Variants in EP300 observed in about 807,000 individuals in gnomAD.
EP300 encodes the protein histone acetyltransferase p300.
EP300 carries 31 observed loss-of-function variants against 264.0 expected under a neutral mutation model. That is an observed-to-expected ratio of 0.12 (90% CI 0.09 to 0.16). The LOEUF is 0.16. Among genes scored for constraint, EP300 ranks in the 10% least tolerant of loss-of-function variants. The pLI, the probability that EP300 is intolerant of heterozygous loss-of-function variation, is 1.00. For synonymous variants in EP300, 1,340 were observed against 1,045.4 expected, an observed-to-expected ratio of 1.28 and a Z score of -5.44; for missense variants, 2,766 against 3,052.9, an observed-to-expected ratio of 0.91 and a Z score of 2.21.
intron 25 of EP300, 104 bp downstream of exon 25, chr22:41,168,971 T>A: frequency 6.5e-7 from 1 of 1,528,254 alleles, no homozygotes; most frequent in Non-Finnish European, 9.0e-7. Flanking sequence ...GTGTTTGGTT[T>A]GGAAATGCAA....
At chr22:41,101,269 T>C (rs756118185) in intron 1 of EP300, among the ~76,000 whole-genome samples, 8 of 151,796 alleles carry the variant, frequency 5.3e-5, no homozygotes, top group Non-Finnish European at 1.0e-4. Flanking sequence ...GAGATAGGGT[T>C]TCACCGTGTT....
chr22:41,178,981 CA>C lies in EP300; in HGVS notation c.*32del, dbSNP rs1183406155. On this transcript the variant is annotated 3_prime_UTR_variant, in exon 31 of 31. Coordinates refer to ENST00000263253, the MANE Select transcript of EP300 (RefSeq NM_001429.4). ...GAGACACCTTGTAGTATTTTGGGAG[CA>C]AAAAAATTATTTTCTCTTAACAAGA... 5.0e-6 allele frequency: 8 copies of C among 1,609,024 alleles called. No individual in the cohort carries two copies. In the African/African-American group the frequency reaches 6.7e-5, roughly 13 times the overall value.
intron 2 of EP300, among the ~76,000 whole-genome samples, chr22:41,125,287 T>A (rs534937905): frequency 6.6e-6 from 1 of 151,576 alleles, no homozygotes; most frequent in African/African-American, 2.4e-5. Context: ...CCCGGCTAAT[T>A]TTTTGTATTT....
chr22:41,170,325 A>G (rs921381867), intron 26 of EP300, 81 bp from the exon 27 acceptor site: 1 of 1,369,932 alleles, frequency 7.3e-7, no homozygotes, highest in African/African-American at 1.4e-5. Context: ...ATCTATATCA[A>G]CTCCAACTTG....
intron 8 of EP300, among the ~76,000 whole-genome samples, chr22:41,138,628 G>A (rs187685866): frequency 7.9e-5 from 12 of 152,236 alleles, no homozygotes; most frequent in Non-Finnish European, 1.2e-4. Context: ...GATGAAGGAG[G>A]GGGAGGCATA....
In EP300 at chr22:41,167,193, T is replaced by G. The variant is rs150826248; in HGVS notation, c.3874+527T>G. Among the ~76,000 whole-genome samples, 741 of 152,276 alleles carry G rather than the reference T, an allele frequency of 4.9e-3. 4 individuals carry two copies. Among genetic ancestry groups the G allele is most frequent in the Middle Eastern group, 0.01 (3 of 294 alleles). ...TTGTAATTTATTAGAGATGGCGTTT[T>G]GCCATGTTGGCCAGGCTGATCTCAA... is the stretch of plus-strand genomic sequence containing the variant. On this transcript the variant is annotated intron_variant, in intron 23 of 30. Coordinates refer to ENST00000263253, the MANE Select transcript of EP300 (RefSeq NM_001429.4).
intron 5 of EP300, among the ~76,000 whole-genome samples, chr22:41,130,806 G>T (rs1321023554): frequency 6.6e-6 from 1 of 151,078 alleles, no homozygotes; most frequent in Non-Finnish European, 1.5e-5. Flanking sequence ...ATATAGAAGA[G>T]CTTTTTTTTT....
At chr22:41,106,972 T>A (rs993483093) in intron 1 of EP300, among the ~76,000 whole-genome samples, 14 of 152,116 alleles carry the variant, frequency 9.2e-5, no homozygotes, top group African/African-American at 3.4e-4. Context: ...AGTAGCGTGA[T>A]CTCGGCTTAC....
At chr22:41,094,987 T>TA (rs899313869) in intron 1 of EP300, among the ~76,000 whole-genome samples, 18 of 151,444 alleles carry the variant, frequency 1.2e-4, no homozygotes, top group African/African-American at 3.6e-4. Context: ...TTTTATAGTT[T>TA]AAAAAAAAAC....
At position 41,127,710 on chromosome 22, in the gene EP300, A is replaced by C; in HGVS notation, c.1130A>C (p.Asn377Thr). The C allele has an allele frequency of 6.2e-7, 1 of 1,614,214 alleles. No homozygotes were observed. Among genetic ancestry groups the C allele is most frequent in the Non-Finnish European group, 8.5e-7 (1 of 1,180,038 alleles). Residue 377 changes from asparagine (N) to threonine (T), a missense_variant, in exon 4 of 31, where the codon AAC becomes ACC. Transcript: ENST00000263253. Reference sequence around the variant, plus strand: ...TGTCGCACAATGAAGAATGTCCTAAACCACATGACACACTGCCAGTCAGGC... The same window carrying C: ...TGTCGCACAATGAAGAATGTCCTAACCCACATGACACACTGCCAGTCAGGC... Reference protein sequence around the residue: ...PHCRTMKNVLNHMTHCQSGKS... With the variant: ...PHCRTMKNVLTHMTHCQSGKS...
chr22:41,111,936 G>A (rs1865391703), intron 1 of EP300, among the ~76,000 whole-genome samples: 1 of 127,718 alleles, frequency 7.8e-6, no homozygotes, highest in Non-Finnish European at 1.6e-5. Context: ...CGCCCAGGCT[G>A]GAGTGCAGTG....
Position 41,178,427 on chromosome 22 carries a change from T to C in EP300, c.6716T>C (p.Met2239Thr), listed in dbSNP as rs775274711. 4.0e-5 allele frequency: 64 copies of C among 1,613,932 alleles called. No homozygotes were observed. Among genetic ancestry groups the C allele is most frequent in the Admixed American group, 6.7e-5 (4 of 59,994 alleles). The stretch of plus-strand genomic sequence containing the variant: ...ATGCAACAGATGCAACAAGGAAATA[T>C]GGGACAGATAGGCCAGCTTCCCCAG... ...HHMQQMQQGN[M>T]GQIGQLPQAL... Residue 2239 changes from methionine to threonine, a missense_variant, in exon 31 of 31, where the codon ATG becomes ACG. By Grantham distance (81) the Met-to-Thr change is moderately conservative (BLOSUM62 -1). Transcript: ENST00000263253.
chr22:41,140,378 C>G (rs185700516), intron 9 of EP300, 121 bp downstream of exon 9: 2 of 787,666 alleles, frequency 2.5e-6, no homozygotes, highest in Admixed American at 3.4e-5. Context: ...GTAGCTATCC[C>G]GTCTTATTGT....
At position 41,137,647 on chromosome 22, in the gene EP300, T is replaced by C. The variant is rs1157054182; in HGVS notation, c.1623-6T>C. The C allele has an allele frequency of 6.2e-7, 1 of 1,614,182 alleles. No homozygotes were observed. ...ACTAAAACTATTTGGTGACCCCTTTTTGAAGCCCAATGATGAGTGAAAATG... is the reference window on the plus strand; with the variant it reads ...ACTAAAACTATTTGGTGACCCCTTTCTGAAGCCCAATGATGAGTGAAAATG... On this transcript the variant is annotated splice_region_variant and splice_polypyrimidine_tract_variant and intron_variant, in intron 7 of 30. Transcript: ENST00000263253.
At chr22:41,175,953 C>T (rs1302461517) in intron 29 of EP300, 5 of 444,850 alleles carry the variant, frequency 1.1e-5, no homozygotes, top group Non-Finnish European at 1.3e-5. Context: ...GCTGTACCTG[C>T]TCACACCTGT....
In EP300 at chr22:41,178,847, A is replaced by G. The variant is rs886057571; in HGVS notation, c.7136A>G (p.Asn2379Ser). 4.8e-5 allele frequency: 77 copies of G among 1,614,090 alleles called. No homozygotes were observed. Among genetic ancestry groups the G allele is most frequent in the Non-Finnish European group, 5.8e-5 (69 of 1,180,038 alleles). Residue 2379 changes from asparagine (N) to serine (S), a missense_variant, in exon 31 of 31, where the codon AAT (asparagine) becomes AGT (serine). Asn to Ser is a conservative substitution (Grantham distance 46). Transcript: ENST00000263253. ...TCAATGCTTTCTCAGCTTGCTAGCA[A>G]TCCAGGCATGGCAAACCTCCATGGT... is the stretch of plus-strand genomic sequence containing the variant. ...QNSMLSQLAS[N>S]PGMANLHGAS... is the part of the protein sequence containing the mutation.
chr22:41,159,503 T>G (rs1279422276), intron 19 of EP300: 2 of 152,190 alleles, frequency 1.3e-5, no homozygotes, highest in African/African-American at 4.8e-5. Flanking sequence ...AAAAAGCAAG[T>G]AACTGGACAT....
intron 6 of EP300, among the ~76,000 whole-genome samples, chr22:41,132,764 T>G (rs1385835793): frequency 6.6e-6 from 1 of 152,188 alleles, no homozygotes. Context: ...CAAATAGTTT[T>G]TTTGTGACTT....
chr22:41,168,218 T>C, intron 23 of EP300: 1 of 552,886 alleles, frequency 1.8e-6, no homozygotes, highest in South Asian at 2.0e-5. Flanking sequence ...GTACTGTGTC[T>C]GCTTTAATAG....
Sources: gnomAD v4.1 joint callset for allele counts (sites outside exome capture counted in the v4.1 genomes callset) on GRCh38, gnomAD v4.1.1 for gene constraint, MANE v1.5 for transcripts, NCBI Gene and HGNC (gene_info 2026-07-23, HGNC 2026-07-21) for gene names.